JAK2: variants seen among roughly 807,000 people sequenced by gnomAD.
JAK2 encodes Janus kinase 2.
JAK2 carries 86 observed loss-of-function variants against 139.3 expected under a neutral mutation model. That is an observed-to-expected ratio of 0.62 (90% CI 0.52 to 0.74). The LOEUF is 0.74. JAK2 is among the 30% of genes least tolerant of loss of function. The pLI is 0.00. For synonymous variants in JAK2, 490 were observed against 437.7 expected, an observed-to-expected ratio of 1.12 and a Z score of -1.49; for missense variants, 1,421 against 1,360.3, an observed-to-expected ratio of 1.04 and a Z score of -0.70.
At chr9:5,009,983 G>A (rs538561119) in intron 2 of JAK2, among the ~76,000 whole-genome samples, 1 of 152,238 alleles carries the variant, frequency 6.6e-6, no homozygotes, top group African/African-American at 2.4e-5. Context: ...ATGTTGCCGG[G>A]GCTAGTCTTG....
chr9:5,074,219 C>T (rs1235209809), intron 14 of JAK2, among the ~76,000 whole-genome samples: 1 of 152,006 alleles, frequency 6.6e-6, no homozygotes, highest in Non-Finnish European at 1.5e-5. Context: ...TATTTTTTGG[C>T]TAAATTTAGG....
intron 22 of JAK2, chr9:5,112,830 A>G: frequency 1.8e-6 from 1 of 555,072 alleles, no homozygotes; most frequent in Non-Finnish European, 2.9e-6. Flanking sequence ...GAAGCCCACA[A>G]CCCCGCTGGG....
At chr9:5,062,406 C>T (rs1818245644) in intron 8 of JAK2, among the ~76,000 whole-genome samples, 1 of 141,714 alleles carries the variant, frequency 7.1e-6, no homozygotes, top group African/African-American at 2.6e-5. Context: ...ATTACCAAAA[C>T]ATGACACATA....
chr9:5,077,195 C>T (rs1819364032), intron 14 of JAK2, among the ~76,000 whole-genome samples: 1 of 150,234 alleles, frequency 6.7e-6, no homozygotes, highest in South Asian at 2.1e-4. Context: ...TAAAGGTGTG[C>T]TGGTATATTA....
At chr9:5,111,066 C>G in intron 22 of JAK2, 4 of 1,183,750 alleles carry the variant, frequency 3.4e-6, no homozygotes, top group East Asian at 2.9e-5. Context: ...GTCTTGAGAA[C>G]TGGCCCAGCT....
At chr9:5,123,743 G>A (rs1429525448) in intron 23 of JAK2, among the ~76,000 whole-genome samples, 1 of 151,862 alleles carries the variant, frequency 6.6e-6, no homozygotes, top group Non-Finnish European at 1.5e-5. Context: ...TTCCATAGAG[G>A]TTGTACAAAT....
At position 5,069,249 on chromosome 9, in the gene JAK2, G is replaced by A. The variant is rs755391934; in HGVS notation, c.1513+41G>A. On this transcript the variant is annotated intron_variant, in intron 11 of 24. Coordinates refer to ENST00000381652, the MANE Select transcript of JAK2 (RefSeq NM_004972.4). ...AGTTATTTTTAAATTACTGGTCATGGATTGTTTATGTGGCGTGAAGTATCT... is the reference window on the plus strand; with the variant it reads ...AGTTATTTTTAAATTACTGGTCATGAATTGTTTATGTGGCGTGAAGTATCT... 1.2e-5 allele frequency: 16 copies of A among 1,379,918 alleles called. No individual in the cohort carries two copies. The South Asian group carries it at 1.9e-4, about 16-fold the overall frequency. 85.5% of individuals were successfully genotyped at this position (1,379,918 alleles called of 1,614,324 possible).
At chr9:5,105,570 A>C (rs1370593715) in intron 22 of JAK2, among the ~76,000 whole-genome samples, 4 of 152,238 alleles carry the variant, frequency 2.6e-5, no homozygotes, top group Non-Finnish European at 4.4e-5. Flanking sequence ...ACTACTTTCA[A>C]GTTCATATGG....
chr9:5,054,711 C>T lies in JAK2; in HGVS notation c.763C>T (p.Leu255Phe). 3.1e-6 allele frequency: 5 copies of T among 1,613,274 alleles called. No homozygotes were observed. The highest frequency in any genetic ancestry group is 4.2e-6 in the Non-Finnish European group (5 of 1,179,438). ...TGCCAGAAACTTGAAACTTAAGTAT[C>T]TTATAAATCTGGAAACTCTGCAGTC... ...ATARNLKLKY[L>F]INLETLQSAF... is the part of the protein sequence containing the mutation. The change falls in exon 7 of 25, where the codon CTT becomes TTT. Residue 255 changes from leucine (L) to phenylalanine (F), a missense_variant. By Grantham distance (22) the Leu-to-Phe change is conservative. Coordinates refer to ENST00000381652, the MANE Select transcript of JAK2 (RefSeq NM_004972.4). This position sits in a 1 kb window ranked among gnomAD's most constrained non-coding sequence, Gnocchi z 4.9.
intron 2 of JAK2, among the ~76,000 whole-genome samples, chr9:4,990,197 A>G (rs926196569): frequency 6.6e-6 from 1 of 152,218 alleles, no homozygotes; most frequent in African/African-American, 2.4e-5. Context: ...CTTTTCAGTG[A>G]CGGAGGAAAT....
At position 4,985,634 on chromosome 9, in the gene JAK2, G is replaced by A. The variant is rs1485236945; in HGVS notation, c.-109+4G>A. ...GGTCGCCCGATCTGTGTAGCCGGTG[G>A]GTGTTATCTCTGCCTGGCTTCTGGG... On this transcript the variant is annotated splice_donor_region_variant and intron_variant, in intron 1 of 24. Coordinates refer to ENST00000381652, the MANE Select transcript of JAK2 (RefSeq NM_004972.4). 1 of 152,486 alleles carries A rather than the reference G, an allele frequency of 6.6e-6. No individual in the cohort carries two copies. Among genetic ancestry groups the A allele is most frequent in the Admixed American group, 6.5e-5 (1 of 15,286 alleles). 9.4% of individuals were successfully genotyped at this position (152,486 alleles called of 1,614,324 possible). A position where few individuals can be genotyped will look rare whatever the true frequency, so the allele number is the denominator to read the frequency against.
intron 22 of JAK2, among the ~76,000 whole-genome samples, chr9:5,122,601 G>A (rs141534664): frequency 1.4e-3 from 209 of 152,040 alleles, no homozygotes; most frequent in Non-Finnish European, 2.0e-3. Context: ...CCAGGTTGAC[G>A]ATTTGCTAGG....
At chr9:5,047,978 T>G (rs1320366509) in intron 5 of JAK2, among the ~76,000 whole-genome samples, 1 of 152,208 alleles carries the variant, frequency 6.6e-6, no homozygotes, top group African/African-American at 2.4e-5. Context: ...GTATTTATTA[T>G]GTTTTGGCAT....
chr9:5,018,085 A>G (rs763731497), intron 2 of JAK2, among the ~76,000 whole-genome samples: 40 of 152,122 alleles, frequency 2.6e-4, no homozygotes, highest in Non-Finnish European at 5.0e-4. Context: ...AGTTTAATCT[A>G]TTTACATTCA....
intron 3 of JAK2, among the ~76,000 whole-genome samples, chr9:5,027,899 A>G (rs941494962): frequency 6.6e-6 from 1 of 152,162 alleles, no homozygotes; most frequent in African/African-American, 2.4e-5. Context: ...TGTTACTTCT[A>G]CCACATCTGC....
rs1341162253 is a variant in JAK2 at position 5,073,724 on chromosome 9, G to C, written c.1803G>C (p.Met601Ile). The C allele has an allele frequency of 6.2e-7, 1 of 1,611,660 alleles. No individual in the cohort carries two copies. Among genetic ancestry groups the C allele is most frequent in the South Asian group, 1.1e-5 (1 of 90,990 alleles). The change falls in exon 14 of 25, where the codon ATG becomes ATC. Residue 601 changes from methionine (M) to isoleucine (I), a missense_variant. Coordinates refer to ENST00000381652, the MANE Select transcript of JAK2 (RefSeq NM_004972.4). ...SESFFEAASM[M>I]SKLSHKHLVL... ...CTTTCTTTGAAGCAGCAAGTATGAT[G>C]AGCAAGCTTTCTCACAAGCATTTGG...
At chr9:5,036,301 C>T (rs1174321674) in intron 4 of JAK2, among the ~76,000 whole-genome samples, 2 of 152,196 alleles carry the variant, frequency 1.3e-5, no homozygotes, top group Admixed American at 6.5e-5. Flanking sequence ...GCCATACTGC[C>T]CAAAGTCCTT....
At chr9:5,122,089 A>G (rs1329423871) in intron 22 of JAK2, among the ~76,000 whole-genome samples, 1 of 152,200 alleles carries the variant, frequency 6.6e-6, no homozygotes, top group Non-Finnish European at 1.5e-5. Context: ...CCTGAGGGCA[A>G]TAAGACCTGG....
At chr9:5,055,376 T>G (rs1817691752) in intron 7 of JAK2, among the ~76,000 whole-genome samples, 1 of 152,010 alleles carries the variant, frequency 6.6e-6, no homozygotes, top group Admixed American at 6.6e-5. Context: ...TCTTTGGTAG[T>G]CACATTTCCA....
Sources: gnomAD v4.1 joint callset for allele counts (sites outside exome capture counted in the v4.1 genomes callset) on GRCh38, gnomAD v4.1.1 for gene constraint, Gnocchi (gnomAD v3.1) non-coding constraint, MANE v1.5 for transcripts, NCBI Gene and HGNC (gene_info 2026-07-23, HGNC 2026-07-21) for gene names.